The following FGF14 variants were observed in gnomAD, a reference collection of about 807,000 sequenced individuals.
FGF14 encodes the protein fibroblast growth factor homologous factor 4.
A neutral mutation model predicts 25.5 loss-of-function variants in FGF14; 5 were observed. That is an observed-to-expected ratio of 0.20 (90% CI 0.10 to 0.41). The LOEUF is 0.41. Among genes scored for constraint, FGF14 ranks in the 10% least tolerant of loss-of-function variants. The pLI is 1.00. For missense variants in FGF14, 222 were observed against 320.1 expected (o/e 0.69, Z 2.34); for synonymous variants, 138 against 118.3 (o/e 1.17, Z -1.08).
intron 3 of FGF14, among the ~76,000 whole-genome samples, chr13:101,808,679 A>G (rs2068471): frequency 0.69 from 105,159 of 151,852 alleles, 36,913 homozygotes; most frequent in East Asian, 0.83. Context: ...TTTATTGGAA[A>G]TGAATACTGA....
At chr13:101,776,226 C>T (rs80262485) in intron 3 of FGF14, among the ~76,000 whole-genome samples, 3 of 152,144 alleles carry the variant, frequency 2.0e-5, no homozygotes, top group Non-Finnish European at 4.4e-5. Context: ...GGTTATTTAA[C>T]TTCATTTGTC....
rs2036384709 is a variant in FGF14, at chr13:101,954,469, G to A, written c.209-79173C>T. ...AAGAAACACGTAAAAGCAAGGCCAT[G>A]TTAGGATTTACTGCCCAATGGTCAG... On this transcript the variant is annotated intron_variant, in intron 1 of 4. Coordinates refer to the FGF14 transcript ENST00000376131. Among the ~76,000 whole-genome samples, 4 of 152,208 alleles carry A rather than the reference G, an allele frequency of 2.6e-5. No individual in the cohort carries two copies. The South Asian group carries it at 8.3e-4, about 32-fold the overall frequency.
chr13:102,018,220 C>T (rs1159860482), intron 1 of FGF14, among the ~76,000 whole-genome samples: 1 of 152,114 alleles, frequency 6.6e-6, no homozygotes, highest in African/African-American at 2.4e-5. Context: ...ACAGGGTGTG[C>T]CAGTTCCTTG....
At chr13:101,939,602 AG>A (rs1192349420) in intron 1 of FGF14, among the ~76,000 whole-genome samples, 4 of 152,222 alleles carry the variant, frequency 2.6e-5, no homozygotes, top group African/African-American at 9.6e-5. Context: ...CATGGTTATT[AG>A]ATTTGCATCT....
At chr13:102,282,210 G>C in intron 1 of FGF14, among the ~76,000 whole-genome samples, 1 of 151,992 alleles carries the variant, frequency 6.6e-6, no homozygotes, top group Non-Finnish European at 1.5e-5. Flanking sequence ...AGGATTACAG[G>C]CATGCACTAC....
chr13:102,322,594 T>TA (rs1158058556), intron 1 of FGF14, among the ~76,000 whole-genome samples: 1 of 152,150 alleles, frequency 6.6e-6, no homozygotes, highest in African/African-American at 2.4e-5. Context: ...TACTTATAAA[T>TA]AAAGTTGTGG....
At chr13:102,118,117 A>G (rs907028313) in intron 1 of FGF14, among the ~76,000 whole-genome samples, 2 of 152,142 alleles carry the variant, frequency 1.3e-5, no homozygotes, top group Non-Finnish European at 2.9e-5. Flanking sequence ...GACAAAGGAA[A>G]ATCTAATGTG....
chr13:101,899,545 T>C (rs1310759401), intron 1 of FGF14, among the ~76,000 whole-genome samples: 1 of 151,756 alleles, frequency 6.6e-6, no homozygotes, highest in African/African-American at 2.4e-5. Flanking sequence ...TAATTGAAAA[T>C]AGCCACCCTA....
intron 1 of FGF14, among the ~76,000 whole-genome samples, chr13:101,928,004 C>T (rs949956332): frequency 1.6e-4 from 25 of 152,160 alleles, no homozygotes; most frequent in African/African-American, 5.8e-4. Context: ...CCCGGTGACA[C>T]TAGAACTTTT....
chr13:102,184,689 A>T (rs1391269743), intron 1 of FGF14, among the ~76,000 whole-genome samples: 1 of 152,186 alleles, frequency 6.6e-6, no homozygotes, highest in East Asian at 1.9e-4. Context: ...ATTAACAAGA[A>T]CATCCGTGTA....
At chr13:102,386,208 C>T (rs538772827) in intron 1 of FGF14, among the ~76,000 whole-genome samples, 54 of 150,652 alleles carry the variant, frequency 3.6e-4, no homozygotes, top group African/African-American at 1.2e-3. Flanking sequence ...TCTCAGCTCA[C>T]GGCAACCTCT....
chr13:102,069,883 G>A (rs2140144982), intron 1 of FGF14, among the ~76,000 whole-genome samples: 1 of 152,290 alleles, frequency 6.6e-6, no homozygotes, highest in East Asian at 1.9e-4. Context: ...TGAGGTGGGT[G>A]GATCACCTGG....
At chr13:101,967,932 G>A (rs4771414) in intron 1 of FGF14, among the ~76,000 whole-genome samples, 31,761 of 152,116 alleles carry the variant, frequency 0.21, 3,736 homozygotes, top group East Asian at 0.48. Flanking sequence ...TGGTAACAGA[G>A]GTAACATTTT....
chr13:101,846,048 G>A (rs61965163), intron 3 of FGF14, among the ~76,000 whole-genome samples: 19,224 of 151,908 alleles, frequency 0.13, 1,408 homozygotes, highest in East Asian at 0.29. Flanking sequence ...TGAGTCTAAC[G>A]TATTTGCCAA....
chr13:101,801,302 A>T (rs1193587422), intron 3 of FGF14, among the ~76,000 whole-genome samples: 1 of 152,122 alleles, frequency 6.6e-6, no homozygotes, highest in Non-Finnish European at 1.5e-5. Context: ...TAAAACAATT[A>T]ATTATATATT....
intron 1 of FGF14, among the ~76,000 whole-genome samples, chr13:102,067,749 G>C (rs956832240): frequency 5.3e-5 from 8 of 151,510 alleles, no homozygotes; most frequent in African/African-American, 1.9e-4. Flanking sequence ...TATTTAAAAG[G>C]ATAGTTACAG....
chr13:102,202,103 C>T (rs75225120), intron 1 of FGF14, among the ~76,000 whole-genome samples: 1 of 152,266 alleles, frequency 6.6e-6, no homozygotes, highest in African/African-American at 2.4e-5. Flanking sequence ...CCTTCGCCTT[C>T]ACCGCGACTG....
In FGF14 at chr13:102,239,651, G is replaced by A. The variant is rs1422069609; in HGVS notation, c.208+161820C>T. Among the ~76,000 whole-genome samples, 5 of 152,116 alleles carry A rather than the reference G, an allele frequency of 3.3e-5. No individual in the cohort carries two copies. The East Asian group carries it at 9.6e-4, about 29-fold the overall frequency. On this transcript the variant is annotated intron_variant, in intron 1 of 4. Transcript: ENST00000376131. ...GAAATAATGCCCCTAACCAAAAGTGGTCCCTTTGATTTCTGGAGCTCTGCA... is the reference window on the plus strand; with the variant it reads ...GAAATAATGCCCCTAACCAAAAGTGATCCCTTTGATTTCTGGAGCTCTGCA...
chr13:101,746,702 T>A (rs956885938), intron 3 of FGF14, among the ~76,000 whole-genome samples: 1 of 151,986 alleles, frequency 6.6e-6, no homozygotes. Flanking sequence ...AGGCACTTTA[T>A]CAATGCCAGG....
Sources: allele counts gnomAD v4.1 joint callset (sites outside exome capture counted in the v4.1 genomes callset), GRCh38; gene constraint gnomAD v4.1.1; transcripts MANE v1.5; gene names NCBI Gene and HGNC (gene_info 2026-07-23, HGNC 2026-07-21).